Variants in CYP17A1 observed in about 807,000 individuals in gnomAD.
The protein encoded by CYP17A1 is cytochrome P450 family 17 subfamily A member 1, also known as steroid 17-alpha-hydroxylase/17,20 lyase.
In CYP17A1, 27 loss-of-function variants were observed where a neutral mutation model predicts 38.5. That is an observed-to-expected ratio of 0.70 (90% CI 0.52 to 0.97). The LOEUF (loss-of-function observed/expected upper bound fraction) is 0.97. Among genes scored for constraint, CYP17A1 ranks in the 50% least tolerant of loss-of-function variants. The pLI, the probability that CYP17A1 is intolerant of heterozygous loss-of-function variation, is 0.00. For missense variants in CYP17A1, 549 were observed against 645.9 expected (o/e 0.85, Z 1.63); for synonymous variants, 263 against 253.3 (o/e 1.04, Z -0.36).
chr10:102,832,835 C>A (rs1844109240), intron 5 of CYP17A1, 155 bp from the exon 6 acceptor site: 4 of 1,438,942 alleles, frequency 2.8e-6, no homozygotes, highest in South Asian at 1.2e-5. Context: ...GAAGATGGGG[C>A]AGCTCTACTC....
intron 6 of CYP17A1, chr10:102,831,852 T>C (rs1056785901): frequency 3.1e-6 from 2 of 645,086 alleles, no homozygotes; most frequent in African/African-American, 1.8e-5. Flanking sequence ...TGTCTGGCAG[T>C]GTATGTGGGT....
At chr10:102,832,188 C>A (rs1345043354) in intron 6 of CYP17A1, among the ~76,000 whole-genome samples, 1 of 152,158 alleles carries the variant, frequency 6.6e-6, no homozygotes, top group African/African-American at 2.4e-5. Flanking sequence ...ATTCTCCTGC[C>A]TCAGCCTCCT....
chr10:102,830,911 G>T lies in CYP17A1; in HGVS notation c.1318C>A (p.Arg440Ser), dbSNP rs868228603. 1.3e-6 allele frequency: 2 copies of T among 1,570,384 alleles called. No individual in the cohort carries two copies. The highest frequency in any genetic ancestry group is 8.7e-7 in the Non-Finnish European group (1 of 1,151,492). Residue 440 changes from arginine to serine, a missense_variant, in exon 8 of 8, where the codon CGC becomes AGC. Coordinates refer to ENST00000369887, the MANE Select transcript of CYP17A1 (RefSeq NM_000102.4). This position sits in a 1 kb window ranked among gnomAD's most constrained non-coding sequence, Gnocchi z 4.1. ...GCCAGGATCTCACCTATACAGGAGC[G>T]AGGTCCTGCTCCGAAGGGCAAATAG... is the stretch of plus-strand genomic sequence containing the variant. ...VSYLPFGAGP[R>S]SCIGEILARQ...
In CYP17A1 at chr10:102,830,692, G is replaced by A. The variant is rs754957223; in HGVS notation, c.*10C>T. ...CACATAGGGTGGACAGGGGCTGTGA[G>A]TTACAGCCTTTAGGTGCTACCCTCA... On this transcript the variant is annotated 3_prime_UTR_variant, in exon 8 of 8. Coordinates refer to ENST00000369887, the MANE Select transcript of CYP17A1 (RefSeq NM_000102.4). This position sits in a 1 kb window ranked among gnomAD's most constrained non-coding sequence, Gnocchi z 4.1. The A allele has an allele frequency of 1.3e-6, 2 of 1,520,066 alleles. No homozygotes were observed. Among genetic ancestry groups the A allele is most frequent in the Non-Finnish European group, 9.1e-7 (1 of 1,099,448 alleles). 94.2% of individuals were successfully genotyped at this position (1,520,066 alleles called of 1,614,324 possible). A position where few individuals can be genotyped will look rare whatever the true frequency, so the allele number is the denominator to read the frequency against.
At position 102,831,517 on chromosome 10, in the gene CYP17A1, A is replaced by G; in HGVS notation, c.1234T>C (p.Phe412Leu). ...NEKEWHQPDQ[F>L]MPERFLNPAG... ...GACAGGACAGACTCACCAGGCATGAACTGATCCGGCTGGTGCCACTCCTTC... is the reference window on the plus strand; with the variant it reads ...GACAGGACAGACTCACCAGGCATGAGCTGATCCGGCTGGTGCCACTCCTTC... Residue 412 changes from phenylalanine to leucine, a missense_variant, in exon 7 of 8, where the codon TTC (phenylalanine) becomes CTC (leucine). This residue lies in a region of CYP17A1 where 257 missense variants were observed against 307.9 expected (regional missense o/e 0.83). Coordinates refer to ENST00000369887, the MANE Select transcript of CYP17A1 (RefSeq NM_000102.4). The G allele has an allele frequency of 6.2e-7, 1 of 1,613,990 alleles. No homozygotes were observed. Among genetic ancestry groups the G allele is most frequent in the Non-Finnish European group, 8.5e-7 (1 of 1,180,036 alleles).
Position 102,834,654 on chromosome 10 carries a change from G to T in CYP17A1, c.666+131C>A, listed in dbSNP as rs993021330. 1.3e-5 allele frequency: 16 copies of T among 1,264,632 alleles called. No individual in the cohort carries two copies. In the Admixed American group the frequency reaches 2.9e-4, roughly 23 times the overall value. The allele number at this position is 1,264,632 out of a possible 1,614,324, so 78.3% of individuals were successfully genotyped here. On this transcript the variant is annotated intron_variant, in intron 3 of 7. Coordinates refer to ENST00000369887, the MANE Select transcript of CYP17A1 (RefSeq NM_000102.4). ...GGCAAAGGTTTTAAGTGGCAGAGGAGGTAGAGGTGGCGGAGGTAATCAGGA... is the reference window on the plus strand; with the variant it reads ...GGCAAAGGTTTTAAGTGGCAGAGGATGTAGAGGTGGCGGAGGTAATCAGGA...
intron 2 of CYP17A1, 99 bp from the exon 3 acceptor site, chr10:102,835,113 A>T (rs1844143234): frequency 9.3e-7 from 1 of 1,076,832 alleles, no homozygotes; most frequent in South Asian, 1.3e-5. Context: ...CAGATAGCAG[A>T]TGGCCACTAG....
Position 102,834,492 on chromosome 10 carries a change from C to T in CYP17A1, c.666+293G>A, listed in dbSNP as rs1844133701. Reference sequence around the variant, plus strand: ...TGCACAATGGGGATAATAAAACCTACTTCCAAGGGGAATTCAGCGATGAAT... The same window carrying T: ...TGCACAATGGGGATAATAAAACCTATTTCCAAGGGGAATTCAGCGATGAAT... On this transcript the variant is annotated intron_variant, in intron 3 of 7. Transcript: ENST00000369887. 7.1e-6 allele frequency: 4 copies of T among 566,038 alleles called. No homozygotes were observed. In the Admixed American group the frequency reaches 1.2e-4, roughly 17 times the overall value. 35.1% of individuals were successfully genotyped at this position (566,038 alleles called of 1,614,324 possible).
At position 102,830,771 on chromosome 10, in the gene CYP17A1, G is replaced by C. The variant is rs147557447; in HGVS notation, c.1458C>G (p.Ile486Met). Reference sequence around the variant, plus strand: ...CCTTGATCTTCACTTTGAAAGAGTCGATCAGAAAGACCACCTTGGGGATGC... The same window carrying C: ...CCTTGATCTTCACTTTGAAAGAGTCCATCAGAAAGACCACCTTGGGGATGC... ...LEGIPKVVFL[I>M]DSFKVKIKVR... The change falls in exon 8 of 8, where the codon ATC becomes ATG. Residue 486 changes from isoleucine (I) to methionine (M), a missense_variant. Ile to Met is a conservative substitution (Grantham distance 10, BLOSUM62 1). Coordinates refer to ENST00000369887, the MANE Select transcript of CYP17A1 (RefSeq NM_000102.4). This position sits in a 1 kb window ranked among gnomAD's most constrained non-coding sequence, Gnocchi z 4.1. 3 of 1,600,216 alleles carry C rather than the reference G, an allele frequency of 1.9e-6. No homozygotes were observed. Among genetic ancestry groups the C allele is most frequent in the Non-Finnish European group, 2.6e-6 (3 of 1,169,228 alleles).
At position 102,835,089 on chromosome 10, in the gene CYP17A1, A is replaced by G. The variant is rs1844142472; in HGVS notation, c.437-75T>C. The G allele has an allele frequency of 6.1e-6, 7 of 1,148,032 alleles. No homozygotes were observed. The South Asian group carries it at 8.6e-5, about 14-fold the overall frequency. 71.1% of individuals were successfully genotyped at this position (1,148,032 alleles called of 1,614,324 possible). A position where few individuals can be genotyped will look rare whatever the true frequency, so the allele number is the denominator to read the frequency against. ...CCCTCTCTGTACCAGTTGCCTCTTA[A>G]CAGGAGCGGGGGACAGATAGCAGAT... On this transcript the variant is annotated intron_variant, in intron 2 of 7. Coordinates refer to ENST00000369887, the MANE Select transcript of CYP17A1 (RefSeq NM_000102.4).
intron 3 of CYP17A1, chr10:102,834,435 G>A: frequency 3.6e-6 from 2 of 550,914 alleles, no homozygotes; most frequent in East Asian, 6.5e-5. Context: ...GCTCAGACAA[G>A]CTCCTTAACC....
Position 102,837,176 on chromosome 10 carries a change from G to A in CYP17A1, c.186C>T (p.Pro62=), listed in dbSNP as rs1844174531. ...TGGTGCCCATACGAACCGAATAGAT[G>A]GGGCCATATTTTTTCTGCAGCTTGA... ...NFFKLQKKYG[P]IYSVRMGTKT... Residue 62 remains proline (P), a synonymous_variant, in exon 1 of 8, where the codon CCC becomes CCT. Transcript: ENST00000369887. 11 of 1,597,380 alleles carry A rather than the reference G, an allele frequency of 6.9e-6. No individual in the cohort carries two copies. The highest frequency in any genetic ancestry group is 9.4e-6 in the Non-Finnish European group (11 of 1,164,660).
At chr10:102,833,371 G>C in intron 4 of CYP17A1, 163 bp from the exon 5 acceptor site, 8 of 1,412,732 alleles carry the variant, frequency 5.7e-6, no homozygotes, top group Non-Finnish European at 7.6e-6. Flanking sequence ...AGGCAGCCCC[G>C]GGCCCTCTTT....
At position 102,830,960 on chromosome 10, in the gene CYP17A1, G is replaced by A. The variant is rs554217514; in HGVS notation, c.1269C>T (p.Thr423=). ...MPERFLNPAG[T]QLISPSVSYL... ...AGCTTACTGACGGTGAGATGAGCTG[G>A]GTCCCCGCTGGATTCAAGAAACGCT... is the stretch of plus-strand genomic sequence containing the variant. Residue 423 remains threonine, a synonymous_variant, in exon 8 of 8, where the codon ACC becomes ACT. Coordinates refer to ENST00000369887, the MANE Select transcript of CYP17A1 (RefSeq NM_000102.4). The surrounding 1 kb of genome is among the most constrained non-coding windows in gnomAD (Gnocchi z 4.1). 8 of 1,577,156 alleles carry A rather than the reference G, an allele frequency of 5.1e-6. No individual in the cohort carries two copies. The East Asian group carries it at 1.8e-4, about 36-fold the overall frequency.
At chr10:102,835,065 C>A (rs764087679) in intron 2 of CYP17A1, 51 bp from the exon 3 acceptor site, 2 of 1,214,382 alleles carry the variant, frequency 1.6e-6, no homozygotes, top group Non-Finnish European at 2.4e-6. Context: ...ACCCTTACCC[C>A]CTCTCTGTAC....
At chr10:102,832,361 C>T (rs966285212) in intron 6 of CYP17A1, 150 bp downstream of exon 6, 8 of 683,858 alleles carry the variant, frequency 1.2e-5, no homozygotes, top group East Asian at 5.2e-5. Flanking sequence ...TGTGAGCCAC[C>T]GTGCCCGGCC....
intron 6 of CYP17A1, 83 bp downstream of exon 6, chr10:102,832,428 C>A: frequency 1.1e-6 from 1 of 921,810 alleles, no homozygotes; most frequent in Non-Finnish European, 1.8e-6. Flanking sequence ...CCAGCAGGGG[C>A]CGGGGGTAGG....
rs104894137 is a variant in CYP17A1 at position 102,832,626 on chromosome 10, G to T, written c.1024C>A (p.Pro342Thr). The change falls in exon 6 of 8, where the codon CCA (proline) becomes ACA (threonine). Residue 342 changes from proline to threonine, a missense_variant. By Grantham distance (38) the Pro-to-Thr change is conservative (BLOSUM62 -1). Around this residue, in one of 3 missense-constraint regions of CYP17A1, gnomAD observed 257 missense variants for 307.9 expected, o/e 0.83. Transcript: ENST00000369887. ...IDQNVGFSRT[P>T]TISDRNRLLL... ...AGACGGTTACGGTCACTGATAGTTGGTGTGCGGCTGAAACCCACATTCTGG... is the reference window on the plus strand; with the variant it reads ...AGACGGTTACGGTCACTGATAGTTGTTGTGCGGCTGAAACCCACATTCTGG... The T allele has an allele frequency of 5.6e-6, 9 of 1,605,190 alleles. No individual in the cohort carries two copies. Among genetic ancestry groups the T allele is most frequent in the Non-Finnish European group, 7.7e-6 (9 of 1,171,748 alleles).
intron 6 of CYP17A1, among the ~76,000 whole-genome samples, chr10:102,832,218 C>T (rs1279871459): frequency 6.6e-6 from 1 of 152,110 alleles, no homozygotes. Flanking sequence ...GGACTACAGG[C>T]ACGCGCCACG....
Sources: gnomAD v4.1 joint callset for allele counts (sites outside exome capture counted in the v4.1 genomes callset) on GRCh38, gnomAD v4.1.1 for gene constraint, gnomAD v4.1.1 regional missense constraint, Gnocchi (gnomAD v3.1) non-coding constraint, MANE v1.5 for transcripts, NCBI Gene and HGNC (gene_info 2026-07-23, HGNC 2026-07-21) for gene names.